EXOC6B: variants seen among roughly 807,000 people sequenced by gnomAD.
EXOC6B encodes SEC15 homolog B.
A neutral mutation model predicts 113.5 loss-of-function variants in EXOC6B; 54 were observed. That is an observed-to-expected ratio of 0.48 (90% CI 0.38 to 0.60). The LOEUF (loss-of-function observed/expected upper bound fraction) is 0.60, where lower values mean the gene tolerates loss of function less well. EXOC6B is among the 20% of genes least tolerant of loss of function. The pLI is 0.00. For synonymous variants in EXOC6B, 357 were observed against 339.0 expected, an observed-to-expected ratio of 1.05 and a Z score of -0.58; for missense variants, 797 against 977.5, an observed-to-expected ratio of 0.82 and a Z score of 2.46.
chr2:72,674,183 T>C (rs1273118571), intron 6 of EXOC6B, among the ~76,000 whole-genome samples: 1 of 152,200 alleles, frequency 6.6e-6, no homozygotes, highest in East Asian at 1.9e-4. Flanking sequence ...ATCAGTGACT[T>C]TCACCAGAAA....
chr2:72,324,040 T>C (rs1423499422), intron 20 of EXOC6B, among the ~76,000 whole-genome samples: 3 of 151,492 alleles, frequency 2.0e-5, no homozygotes, highest in Non-Finnish European at 2.9e-5. Flanking sequence ...TAAAAGGACA[T>C]AGGCATTACA....
intron 18 of EXOC6B, among the ~76,000 whole-genome samples, chr2:72,445,997 A>G (rs1696552357): frequency 6.6e-6 from 1 of 152,180 alleles, no homozygotes; most frequent in Non-Finnish European, 1.5e-5. Context: ...AAAATAACAG[A>G]GGCTGGTGAG....
intron 18 of EXOC6B, among the ~76,000 whole-genome samples, chr2:72,425,919 T>C (rs1695174219): frequency 6.6e-6 from 1 of 152,172 alleles, no homozygotes; most frequent in South Asian, 2.1e-4. Flanking sequence ...ACATTGTATG[T>C]GACATTTTTC....
chr2:72,436,705 T>C (rs560928167), intron 18 of EXOC6B, among the ~76,000 whole-genome samples: 81 of 152,268 alleles, frequency 5.3e-4, no homozygotes, highest in African/African-American at 1.8e-3. Flanking sequence ...TAATGATTCT[T>C]GTGTATGCTT....
At chr2:72,314,408 C>G (rs1183775453) in intron 20 of EXOC6B, among the ~76,000 whole-genome samples, 1 of 152,188 alleles carries the variant, frequency 6.6e-6, no homozygotes. Flanking sequence ...TATGAAGTTA[C>G]TTGAACCATT....
intron 18 of EXOC6B, among the ~76,000 whole-genome samples, chr2:72,422,232 A>G (rs1046115077): frequency 4.6e-5 from 7 of 152,244 alleles, no homozygotes; most frequent in African/African-American, 1.7e-4. Context: ...CGGGACTGGC[A>G]GACAGCTCCA....
At chr2:72,542,846 T>C (rs534801359) in intron 8 of EXOC6B, among the ~76,000 whole-genome samples, 1 of 152,234 alleles carries the variant, frequency 6.6e-6, no homozygotes, top group East Asian at 1.9e-4. Flanking sequence ...CACAAAAACC[T>C]CTGAAATTTT....
chr2:72,315,456 A>G (rs1163972881), intron 20 of EXOC6B, among the ~76,000 whole-genome samples: 1 of 152,090 alleles, frequency 6.6e-6, no homozygotes, highest in Non-Finnish European at 1.5e-5. Flanking sequence ...AAGAGGAATG[A>G]TATGATCTGA....
At chr2:72,782,848 G>A (rs1024746507) in intron 1 of EXOC6B, among the ~76,000 whole-genome samples, 1 of 152,198 alleles carries the variant, frequency 6.6e-6, no homozygotes. Context: ...TGCTGCAAAT[G>A]ACATGATTTC....
At chr2:72,244,637 T>C (rs1682540851) in intron 20 of EXOC6B, among the ~76,000 whole-genome samples, 1 of 151,840 alleles carries the variant, frequency 6.6e-6, no homozygotes. Context: ...TCAATAGAAA[T>C]GATAAACTTC....
chr2:72,352,075 T>C (rs1183173675), intron 19 of EXOC6B, among the ~76,000 whole-genome samples: 1 of 152,200 alleles, frequency 6.6e-6, no homozygotes, highest in Admixed American at 6.5e-5. Flanking sequence ...TAACACCTAG[T>C]CATCTAGTCC....
intron 1 of EXOC6B, among the ~76,000 whole-genome samples, chr2:72,790,454 A>C (rs1366010002): frequency 2.6e-5 from 4 of 152,190 alleles, no homozygotes; most frequent in Non-Finnish European, 5.9e-5. Context: ...TAGGGAAAAA[A>C]TTAAAATAAG....
rs192168826 is a variant in EXOC6B at position 72,360,619 on chromosome 2, T to C, written c.2122+19110A>G. Among the ~76,000 whole-genome samples, 101 of 152,266 alleles carry C rather than the reference T, an allele frequency of 6.6e-4. 1 individual carries two copies. In the East Asian group the frequency reaches 0.018, roughly 27 times the overall value. On this transcript the variant is annotated intron_variant, in intron 19 of 21. Transcript: ENST00000272427. ...AACACTGGGTAACTTAAGATAAAAA[T>C]GAGGCCAATTCTCGTCCTTCCTAGA...
At chr2:72,194,150 T>A (rs1679015068) in intron 20 of EXOC6B, among the ~76,000 whole-genome samples, 1 of 152,076 alleles carries the variant, frequency 6.6e-6, no homozygotes, top group Non-Finnish European at 1.5e-5. Context: ...AAGAAAAAAA[T>A]GGCTTTAGAG....
At chr2:72,805,538 T>A (rs962239066) in intron 1 of EXOC6B, among the ~76,000 whole-genome samples, 1 of 152,206 alleles carries the variant, frequency 6.6e-6, no homozygotes. Flanking sequence ...TATAAATGTA[T>A]GCTATACAAC....
At chr2:72,335,311 C>T (rs764454319) in intron 19 of EXOC6B, 2 of 267,800 alleles carry the variant, frequency 7.5e-6, no homozygotes, top group Non-Finnish European at 1.4e-5. Context: ...GGACAAACAA[C>T]TTGCAAAGGA....
rs1414522402 is a variant in EXOC6B, at chr2:72,408,629, T to G, written c.1981-28759A>C. Among the ~76,000 whole-genome samples, 4 of 152,302 alleles carry G rather than the reference T, an allele frequency of 2.6e-5. No homozygotes were observed. In the East Asian group the frequency reaches 7.7e-4, roughly 29 times the overall value. On this transcript the variant is annotated intron_variant, in intron 18 of 21. Coordinates refer to ENST00000272427, the MANE Select transcript of EXOC6B (RefSeq NM_015189.3). Reference sequence around the variant, plus strand: ...AAGAAATGGGGGAACGACTCCCTATTTAATAAATGGTGCTGGGAAAACTGG... The same window carrying G: ...AAGAAATGGGGGAACGACTCCCTATGTAATAAATGGTGCTGGGAAAACTGG...
rs1157463750 is a variant in EXOC6B at position 72,746,230 on chromosome 2, C to A, written c.114-4761G>T. Among the ~76,000 whole-genome samples, 3 of 151,946 alleles carry A rather than the reference C, an allele frequency of 2.0e-5. No individual in the cohort carries two copies. The South Asian group carries it at 6.2e-4, about 31-fold the overall frequency. ...ACAATCTATGGAATAAACTGCACCA[C>A]TAGTTTAATTATTTGTGATAATCTC... is the stretch of plus-strand genomic sequence containing the variant. On this transcript the variant is annotated intron_variant, in intron 1 of 21. Transcript: ENST00000272427.
chr2:72,312,625 G>A (rs1687262697), intron 20 of EXOC6B, among the ~76,000 whole-genome samples: 2 of 151,692 alleles, frequency 1.3e-5, no homozygotes, highest in Admixed American at 1.3e-4. Flanking sequence ...GTGTGGTGGT[G>A]GGCGCCTATA....
Sources: allele counts gnomAD v4.1 joint callset (sites outside exome capture counted in the v4.1 genomes callset), GRCh38; gene constraint gnomAD v4.1.1; transcripts MANE v1.5; gene names NCBI Gene and HGNC (gene_info 2026-07-23, HGNC 2026-07-21).